SNAP47: variants seen among roughly 807,000 people sequenced by gnomAD.
SNAP47 encodes synaptosome associated protein 47.
In SNAP47, 20 loss-of-function variants were observed where a neutral mutation model predicts 31.4. The ratio of observed to expected loss-of-function variants is 0.64; its 90% confidence interval spans 0.45 to 0.93. SNAP47 has a LOEUF of 0.93. Among genes scored for constraint, SNAP47 ranks in the 40% least tolerant of loss-of-function variants. The pLI, the probability that SNAP47 is intolerant of heterozygous loss-of-function variation, is 0.00. For synonymous variants in SNAP47, 194 were observed against 213.4 expected, an observed-to-expected ratio of 0.91 and a Z score of 0.79; for missense variants, 492 against 528.5, an observed-to-expected ratio of 0.93 and a Z score of 0.68.
At chr1:227,776,197 C>T in intron 4 of SNAP47, 1 of 1,103,372 alleles carries the variant, frequency 9.1e-7, no homozygotes. Flanking sequence ...GGCCAGGCAT[C>T]CACTGATGCT....
At chr1:227,771,233 C>T (rs1293422790) in intron 4 of SNAP47, among the ~76,000 whole-genome samples, 1 of 152,156 alleles carries the variant, frequency 6.6e-6, no homozygotes, top group East Asian at 1.9e-4. Context: ...TTTTGGGGGG[C>T]TGTGAGGTTT....
intron 1 of SNAP47, chr1:227,743,873 T>C (rs1184922437): frequency 2.6e-5 from 4 of 152,346 alleles, no homozygotes; most frequent in African/African-American, 9.6e-5. Flanking sequence ...GTCTCGTATC[T>C]TATTGTGTGT....
At position 227,781,214 on chromosome 1, in the gene SNAP47, A is replaced by T. The variant is rs1211841262; in HGVS notation, c.*541A>T. On this transcript the variant is annotated 3_prime_UTR_variant, in exon 5 of 5. Coordinates refer to ENST00000617596, the MANE Select transcript of SNAP47 (RefSeq NM_053052.4). ...CCGTTTCCATCCAGAAATAAAGGGA[A>T]ATGCTGGCTTCAGAGTGGTTTTTGA... 6.5e-6 allele frequency: 1 copy of T among 153,928 alleles called. No homozygotes were observed. The highest frequency in any genetic ancestry group is 1.4e-5 in the Non-Finnish European group (1 of 69,204). 9.5% of individuals were successfully genotyped at this position (153,928 alleles called of 1,614,324 possible).
chr1:227,780,616 G>T lies in SNAP47; in HGVS notation c.1203G>T (p.Val401=). The T allele has an allele frequency of 6.2e-7, 1 of 1,614,220 alleles. No individual in the cohort carries two copies. The highest frequency in any genetic ancestry group is 1.1e-5 in the South Asian group (1 of 91,086). The part of the protein sequence containing the change: ...DEALDGVAAA[V]DRATLTIDKH... ...CCCTGGATGGCGTTGCAGCAGCTGT[G>T]GACAGGGCAACCTTGACCATCGACA... The change falls in exon 5 of 5, where the codon GTG becomes GTT. Residue 401 remains valine, a synonymous_variant. Transcript: ENST00000617596.
upstream of SNAP47, chr1:227,735,203 C>T: frequency 6.3e-7 from 1 of 1,582,976 alleles, no homozygotes. Context: ...CGGAGCCTGG[C>T]CGACGCCGGG....
In SNAP47 at chr1:227,780,714, C is replaced by G. The variant is rs772183617; in HGVS notation, c.*41C>G. 1.1e-5 allele frequency: 18 copies of G among 1,610,820 alleles called. No homozygotes were observed. The highest frequency in any genetic ancestry group is 5.1e-6 in the Non-Finnish European group (6 of 1,178,126). ...GCATTCCTGTCTCACCCTGCACATC[C>G]CGCTGAGATGGAGGGCTGGGCGGCA... is the stretch of plus-strand genomic sequence containing the variant. On this transcript the variant is annotated 3_prime_UTR_variant, in exon 5 of 5. Coordinates refer to ENST00000617596, the MANE Select transcript of SNAP47 (RefSeq NM_053052.4).
chr1:227,767,793 G>A (rs114692072), intron 4 of SNAP47, among the ~76,000 whole-genome samples: 2,815 of 152,304 alleles, frequency 0.018, 87 homozygotes, highest in African/African-American at 0.064. Context: ...GCAGGTACAT[G>A]CCTGCTGTGT....
intron 1 of SNAP47, among the ~76,000 whole-genome samples, chr1:227,742,327 C>CA (rs1661664430): frequency 1.3e-5 from 2 of 152,180 alleles, no homozygotes; most frequent in African/African-American, 4.8e-5. Flanking sequence ...CTGGACCTCC[C>CA]AGGCTCAAGT....
At position 227,763,654 on chromosome 1, in the gene SNAP47, T is replaced by A. The variant is rs528270664; in HGVS notation, c.989-3305T>A. ...CCTGGAGCCTATCAGAGGATGCCGC[T>A]CAGCCCCCACCTGCGCGTGCGTATT... On this transcript the variant is annotated intron_variant, in intron 3 of 4. Coordinates refer to ENST00000617596, the MANE Select transcript of SNAP47 (RefSeq NM_053052.4). This position sits in a 1 kb window ranked among gnomAD's most constrained non-coding sequence, Gnocchi z 4.2. Among the ~76,000 whole-genome samples the A allele has an allele frequency of 4.6e-5, 7 of 152,288 alleles. No homozygotes were observed. The South Asian group carries it at 1.5e-3, about 32-fold the overall frequency.
In SNAP47 at chr1:227,759,327, A is replaced by G. The variant is rs1469728859; in HGVS notation, c.830A>G (p.Asp277Gly). The stretch of plus-strand genomic sequence containing the variant: ...CGCCAGCGGTTTATTGGAAAGCCAG[A>G]CATGGCCTATCGTTTGATATCTGCC... ...SIRQRFIGKP[D>G]MAYRLISAKM... The change falls in exon 3 of 5, where the codon GAC (aspartate) becomes GGC (glycine). Residue 277 changes from aspartate to glycine, a missense_variant. Transcript: ENST00000617596. 36 of 1,614,136 alleles carry G rather than the reference A, an allele frequency of 2.2e-5. No homozygotes were observed. Among genetic ancestry groups the G allele is most frequent in the Non-Finnish European group, 2.7e-5 (32 of 1,180,052 alleles).
intron 1 of SNAP47, among the ~76,000 whole-genome samples, chr1:227,743,293 C>T (rs1661740404): frequency 1.3e-5 from 2 of 152,162 alleles, no homozygotes; most frequent in South Asian, 2.1e-4. Flanking sequence ...TCAGGCCCTC[C>T]CCAGAAGAGG....
intron 2 of SNAP47, among the ~76,000 whole-genome samples, chr1:227,751,992 CCT>C (rs1450966348): frequency 6.6e-6 from 1 of 152,010 alleles, no homozygotes; most frequent in Non-Finnish European, 1.5e-5. Flanking sequence ...GTTTCAATCT[CCT>C]GACCTCGTGA....
In SNAP47 at chr1:227,774,843, C is replaced by G. The variant is rs775147381; in HGVS notation, c.1114-5684C>G. Among the ~76,000 whole-genome samples, 9 of 152,354 alleles carry G rather than the reference C, an allele frequency of 5.9e-5. No homozygotes were observed. In the South Asian group the frequency reaches 8.3e-4, roughly 14 times the overall value. ...AACACTTTAGTGAGGGTTCATCGTC[C>G]CTCAAGCACTCGGGTCTCTTAATGG... On this transcript the variant is annotated intron_variant, in intron 4 of 4. Coordinates refer to ENST00000617596, the MANE Select transcript of SNAP47 (RefSeq NM_053052.4).
At chr1:227,730,192 C>T (rs766041239), upstream of SNAP47, among the ~76,000 whole-genome samples, 8 of 152,332 alleles carry the variant, frequency 5.3e-5, no homozygotes, top group Middle Eastern at 3.4e-3. Context: ...CTCCTCACCT[C>T]GTACCCCAGG....
rs1662929002 is a variant in SNAP47 at position 227,759,481 on chromosome 1, T to C, written c.984T>C (p.His328=). Residue 328 remains histidine (H), a synonymous_variant, in exon 3 of 5, where the codon CAT becomes CAC. Transcript: ENST00000617596. ...SPAEKSCSVW[H]AASGLMGRTL... is the part of the protein sequence containing the mutation. The stretch of plus-strand genomic sequence containing the variant: ...CAGAGAAGAGCTGCTCAGTCTGGCA[T>C]GCAGGTTAGTGACCGACAAGGCAGT... 1.2e-6 allele frequency: 2 copies of C among 1,613,304 alleles called. No individual in the cohort carries two copies. The highest frequency in any genetic ancestry group is 1.3e-5 in the African/African-American group (1 of 74,910).
Position 227,767,037 on chromosome 1 carries a change from C to A in SNAP47, c.1067C>A (p.Thr356Lys). The A allele has an allele frequency of 6.2e-7, 1 of 1,614,062 alleles. No individual in the cohort carries two copies. The highest frequency in any genetic ancestry group is 8.5e-7 in the Non-Finnish European group (1 of 1,180,038). ...DQEGTALHLQ[T>K]SLPALSEADT... is the part of the protein sequence containing the mutation. ...GAGGGCACAGCACTGCACCTGCAGA[C>A]AAGCCTGCCAGCCCTTTCTGAGGCA... is the stretch of plus-strand genomic sequence containing the variant. Residue 356 changes from threonine to lysine, a missense_variant, in exon 4 of 5, where the codon ACA becomes AAA. Physicochemically the swap from Thr to Lys is moderately conservative, Grantham distance 78. Transcript: ENST00000617596.
At chr1:227,746,960 A>C (rs1342178611) in intron 1 of SNAP47, 1 of 152,244 alleles carries the variant, frequency 6.6e-6, no homozygotes, top group African/African-American at 2.4e-5. Flanking sequence ...TGCATGTTCC[A>C]TGAGGATTCG....
intron 4 of SNAP47, chr1:227,770,692 T>G (rs1331391892): frequency 6.5e-6 from 1 of 154,756 alleles, no homozygotes; most frequent in Non-Finnish European, 1.5e-5. Flanking sequence ...CCTCTCCTAG[T>G]CAGGGGAAAA....
At chr1:227,731,347 G>C (rs1359766011), upstream of SNAP47, 5 of 152,316 alleles carry the variant, frequency 3.3e-5, no homozygotes, top group African/African-American at 1.2e-4. Context: ...GGCCCCAGTT[G>C]ATGCCACGGG....
Sources: allele counts gnomAD v4.1 joint callset (sites outside exome capture counted in the v4.1 genomes callset), GRCh38; gene constraint gnomAD v4.1.1; non-coding constraint Gnocchi (gnomAD v3.1); transcripts MANE v1.5; gene names NCBI Gene and HGNC (gene_info 2026-07-23, HGNC 2026-07-21).